Variants in WDR70 observed in about 807,000 individuals in gnomAD.
WDR70 encodes the protein WD repeat domain 70, also known as WD repeat-containing protein 70.
A neutral mutation model predicts 88.6 loss-of-function variants in WDR70; 53 were observed. That is an observed-to-expected ratio of 0.60 (90% confidence interval 0.48 to 0.75). The LOEUF (loss-of-function observed/expected upper bound fraction) is 0.75, where lower values mean the gene tolerates loss of function less well. Among genes scored for constraint, WDR70 ranks in the 30% least tolerant of loss-of-function variants. The pLI, the probability that WDR70 is intolerant of heterozygous loss-of-function variation, is 0.00. For missense variants in WDR70, 610 were observed against 823.2 expected (o/e 0.74, Z 3.17); for synonymous variants, 280 against 270.0 (o/e 1.04, Z -0.36).
intron 7 of WDR70, among the ~76,000 whole-genome samples, chr5:37,455,170 T>A (rs1738792003): frequency 6.6e-6 from 1 of 152,144 alleles, no homozygotes; most frequent in African/African-American, 2.4e-5. Flanking sequence ...TTTTTAGTAT[T>A]GTAACATTGG....
At chr5:37,732,169 A>G (rs185320624) in intron 17 of WDR70, among the ~76,000 whole-genome samples, 1 of 152,280 alleles carries the variant, frequency 6.6e-6, no homozygotes, top group Admixed American at 6.5e-5. Flanking sequence ...TCTACTGCTT[A>G]GAGATACCAA....
chr5:37,402,790 C>T (rs1031770668), intron 5 of WDR70, among the ~76,000 whole-genome samples: 8 of 151,960 alleles, frequency 5.3e-5, no homozygotes, highest in Admixed American at 1.3e-4. Context: ...AGCCTCTCTT[C>T]ATCTTTCCCA....
intron 9 of WDR70, among the ~76,000 whole-genome samples, chr5:37,550,917 A>C (rs1289376575): frequency 6.6e-6 from 1 of 152,106 alleles, no homozygotes; most frequent in Non-Finnish European, 1.5e-5. Flanking sequence ...GGTTACTATG[A>C]GGCTTGCAGA....
rs748436098 is a variant in WDR70 at position 37,510,889 on chromosome 5, A to AT, written c.841-5620dup. On this transcript the variant is annotated intron_variant, in intron 8 of 17. Transcript: ENST00000265107. Reference sequence around the variant, plus strand: ...CCTCATAGTTTGAATTAGGTTATGCATTTTTAGAAGGACTATGACAGAAAT... The same window carrying AT: ...CCTCATAGTTTGAATTAGGTTATGCATTTTTTAGAAGGACTATGACAGAAAT... 5.9e-5 allele frequency among the ~76,000 whole-genome samples: 9 copies of AT among 152,294 alleles called. No individual in the cohort carries two copies. The East Asian group carries it at 1.4e-3, about 23-fold the overall frequency.
At chr5:37,422,621 G>A (rs953365124) in intron 5 of WDR70, among the ~76,000 whole-genome samples, 3 of 151,796 alleles carry the variant, frequency 2.0e-5, no homozygotes, top group Non-Finnish European at 4.4e-5. Context: ...GGGATTACAG[G>A]TGCATGCCAC....
intron 7 of WDR70, among the ~76,000 whole-genome samples, chr5:37,470,988 A>C (rs186893680): frequency 6.6e-6 from 1 of 151,936 alleles, no homozygotes; most frequent in Admixed American, 6.6e-5. Context: ...CCTGGGTTCA[A>C]TTCTTTTGCC....
intron 7 of WDR70, among the ~76,000 whole-genome samples, chr5:37,452,529 G>T (rs763155771): frequency 2.0e-5 from 3 of 152,224 alleles, no homozygotes; most frequent in Non-Finnish European, 4.4e-5. Context: ...GCCTCCCAAA[G>T]TGCTGGGATT....
chr5:37,613,834 G>T (rs1383576558), intron 10 of WDR70, among the ~76,000 whole-genome samples: 2 of 152,232 alleles, frequency 1.3e-5, no homozygotes, highest in East Asian at 3.9e-4. Flanking sequence ...CAGAAACAAA[G>T]AAATTGACTT....
At chr5:37,467,451 A>G (rs13360130) in intron 7 of WDR70, among the ~76,000 whole-genome samples, 5,244 of 151,798 alleles carry the variant, frequency 0.035, 306 homozygotes, top group African/African-American at 0.12. Flanking sequence ...CTCTATTCTC[A>G]TGACCTCATC....
At chr5:37,488,497 C>A (rs1389355192) in intron 8 of WDR70, among the ~76,000 whole-genome samples, 1 of 53,808 alleles carries the variant, frequency 1.9e-5, no homozygotes, top group African/African-American at 5.9e-5. Context: ...CTTTTTTGTT[C>A]TTTACTTTTT....
At chr5:37,609,309 A>C (rs1744122089) in intron 10 of WDR70, among the ~76,000 whole-genome samples, 1 of 152,224 alleles carries the variant, frequency 6.6e-6, no homozygotes, top group Non-Finnish European at 1.5e-5. Context: ...CTTTCAAATA[A>C]TTCAGCATGT....
At chr5:37,675,848 T>C (rs570060950) in intron 10 of WDR70, among the ~76,000 whole-genome samples, 1 of 152,042 alleles carries the variant, frequency 6.6e-6, no homozygotes, top group African/African-American at 2.4e-5. Context: ...TCACGATATT[T>C]ATTCTTCCTA....
chr5:37,534,514 T>TTTG (rs763898303), intron 9 of WDR70, among the ~76,000 whole-genome samples: 40 of 151,644 alleles, frequency 2.6e-4, no homozygotes, highest in African/African-American at 9.7e-4. Flanking sequence ...TTTTTTTTTT[T>TTTG]GTGACAAAAG....
intron 8 of WDR70, among the ~76,000 whole-genome samples, chr5:37,512,357 G>C (rs1277412646): frequency 6.6e-6 from 1 of 152,016 alleles, no homozygotes; most frequent in East Asian, 1.9e-4. Context: ...AAATAACTGG[G>C]ACTACAGGCA....
At chr5:37,695,210 TCACC>T (rs1010260844) in intron 10 of WDR70, among the ~76,000 whole-genome samples, 28 of 152,180 alleles carry the variant, frequency 1.8e-4, no homozygotes, top group African/African-American at 6.7e-4. Flanking sequence ...TCATGAGAAC[TCACC>T]CACTATCATG....
intron 8 of WDR70, among the ~76,000 whole-genome samples, chr5:37,485,901 G>A (rs1288426841): frequency 8.1e-6 from 1 of 123,040 alleles, no homozygotes; most frequent in African/African-American, 3.3e-5. Context: ...TTTTAGTAGA[G>A]ACGGGGTTTC....
At chr5:37,406,716 G>A (rs147688292) in intron 5 of WDR70, among the ~76,000 whole-genome samples, 21 of 152,012 alleles carry the variant, frequency 1.4e-4, no homozygotes, top group African/African-American at 5.1e-4. Flanking sequence ...AAGAGGAATT[G>A]AAAAACAAAT....
intron 8 of WDR70, among the ~76,000 whole-genome samples, chr5:37,507,506 C>T (rs10066898): frequency 0.044 from 6,630 of 152,148 alleles, 484 homozygotes; most frequent in African/African-American, 0.15. Flanking sequence ...CTTTATCTTC[C>T]CCCCTCCCCT....
chr5:37,503,409 T>C (rs1355547115), intron 8 of WDR70, among the ~76,000 whole-genome samples: 16 of 152,188 alleles, frequency 1.1e-4, no homozygotes, highest in Admixed American at 9.8e-4. Context: ...ACTGCTTTTT[T>C]CCCTTCTCCC....
Sources: gnomAD v4.1 joint callset for allele counts (sites outside exome capture counted in the v4.1 genomes callset) on GRCh38, gnomAD v4.1.1 for gene constraint, MANE v1.5 for transcripts, NCBI Gene and HGNC (gene_info 2026-07-23, HGNC 2026-07-21) for gene names.